Variants in SBF2 observed in about 807,000 individuals in gnomAD.
SBF2 encodes myotubularin-related protein 13.
A neutral mutation model predicts 225.2 loss-of-function variants in SBF2; 112 were observed. The observed-to-expected ratio is 0.50, with a 90% CI of 0.43 to 0.58. The LOEUF is 0.58. SBF2 is among the 20% of genes least tolerant of loss of function. The probability of loss-of-function intolerance (pLI) is 0.00; values close to 1 mark genes in which losing one functional copy is unlikely to be tolerated. For synonymous variants in SBF2, 763 were observed against 773.3 expected (o/e 0.99, Z 0.22); for missense variants, 1,996 against 2,206.2 (o/e 0.90, Z 1.91).
At chr11:10,289,698 C>T (rs528877353) in intron 1 of SBF2, among the ~76,000 whole-genome samples, 1 of 152,246 alleles carries the variant, frequency 6.6e-6, no homozygotes, top group East Asian at 1.9e-4. Context: ...GGCACAGGAA[C>T]CCGGTGCCCT....
At chr11:9,896,379 G>T (rs1385889091) in intron 16 of SBF2, among the ~76,000 whole-genome samples, 1 of 152,080 alleles carries the variant, frequency 6.6e-6, no homozygotes, top group Non-Finnish European at 1.5e-5. Context: ...AGTATATTCA[G>T]CAACTGTATT....
chr11:10,159,649 C>A (rs1037025655), intron 2 of SBF2, among the ~76,000 whole-genome samples: 2 of 152,116 alleles, frequency 1.3e-5, no homozygotes, highest in Admixed American at 6.5e-5. Context: ...ATGCTTGTAA[C>A]CCTAGCACTT....
chr11:10,234,243 C>T (rs559783125), intron 1 of SBF2, among the ~76,000 whole-genome samples: 2 of 152,184 alleles, frequency 1.3e-5, no homozygotes, highest in East Asian at 3.9e-4. Flanking sequence ...GTTTTTACCC[C>T]TCATTTTGAT....
chr11:10,116,891 G>A (rs1274223955), intron 2 of SBF2, among the ~76,000 whole-genome samples: 1 of 152,106 alleles, frequency 6.6e-6, no homozygotes, highest in African/African-American at 2.4e-5. Flanking sequence ...CATGGCATTT[G>A]TCTATTCTTG....
chr11:10,223,987 T>G (rs1958445462), intron 1 of SBF2, among the ~76,000 whole-genome samples: 1 of 152,178 alleles, frequency 6.6e-6, no homozygotes, highest in Admixed American at 6.5e-5. Flanking sequence ...TGTTTACATT[T>G]CTCAACTGAA....
chr11:10,260,151 C>T (rs1474745536), intron 1 of SBF2, among the ~76,000 whole-genome samples: 2 of 152,112 alleles, frequency 1.3e-5, no homozygotes, highest in Non-Finnish European at 2.9e-5. Flanking sequence ...TAAAAGGCCA[C>T]AATAGTTTTT....
chr11:9,956,520 CAG>C (rs1866175459), intron 16 of SBF2: 2 of 150,304 alleles, frequency 1.3e-5, no homozygotes, highest in Admixed American at 6.6e-5. Flanking sequence ...ATTATTGACA[CAG>C]ATCATCTTGT....
intron 22 of SBF2, 96 bp downstream of exon 22, chr11:9,849,927 G>T: frequency 1.7e-6 from 2 of 1,198,038 alleles, no homozygotes; most frequent in Non-Finnish European, 2.5e-6. Context: ...AGCTGACTTT[G>T]GATTTAAAAT....
At chr11:10,265,866 TG>T (rs1450559606) in intron 1 of SBF2, among the ~76,000 whole-genome samples, 3 of 151,396 alleles carry the variant, frequency 2.0e-5, no homozygotes, top group South Asian at 2.1e-4. Context: ...ATTGTGTGTG[TG>T]TGTGTGTGCG....
chr11:9,941,211 A>T (rs181388267), intron 16 of SBF2, among the ~76,000 whole-genome samples: 159 of 152,284 alleles, frequency 1.0e-3, no homozygotes, highest in African/African-American at 3.6e-3. Context: ...GCTACACAGG[A>T]GAGTGAGGTG....
intron 1 of SBF2, among the ~76,000 whole-genome samples, chr11:10,255,643 T>C (rs1252608193): frequency 6.6e-6 from 1 of 152,238 alleles, no homozygotes; most frequent in Non-Finnish European, 1.5e-5. Context: ...TTGACCATAA[T>C]AGTTCCTCTT....
At chr11:10,159,237 T>G (rs755856824) in intron 2 of SBF2, among the ~76,000 whole-genome samples, 1 of 152,202 alleles carries the variant, frequency 6.6e-6, no homozygotes, top group African/African-American at 2.4e-5. Flanking sequence ...ATGTAGTTTA[T>G]AGTTTAAAAA....
chr11:10,257,156 A>G (rs1960931161), intron 1 of SBF2, among the ~76,000 whole-genome samples: 1 of 152,142 alleles, frequency 6.6e-6, no homozygotes, highest in Admixed American at 6.5e-5. Context: ...TGAAATTCAA[A>G]CTCTATCTCT....
At chr11:9,875,524 A>T (rs1023032938) in intron 17 of SBF2, among the ~76,000 whole-genome samples, 1 of 152,244 alleles carries the variant, frequency 6.6e-6, no homozygotes, top group Admixed American at 6.5e-5. Context: ...TCCATAACCG[A>T]ATATGAAAGA....
chr11:9,882,740 G>A (rs1859908847), intron 17 of SBF2, among the ~76,000 whole-genome samples: 1 of 149,816 alleles, frequency 6.7e-6, no homozygotes, highest in Admixed American at 6.7e-5. Context: ...CCAGGAGGGT[G>A]GAGGTTGCAG....
chr11:9,852,864 TAA>T (rs987987903), intron 20 of SBF2, 115 bp from the exon 21 acceptor site: 14 of 811,414 alleles, frequency 1.7e-5, no homozygotes, highest in African/African-American at 1.4e-4. Flanking sequence ...TCAAAAAAGT[TAA>T]AGAGAATTAC....
chr11:10,288,557 T>C (rs1298692370), intron 1 of SBF2, among the ~76,000 whole-genome samples: 19 of 152,050 alleles, frequency 1.2e-4, no homozygotes, highest in Admixed American at 1.2e-3. Flanking sequence ...CTGCAGCTGG[T>C]TGTCCTGCTG....
intron 2 of SBF2, among the ~76,000 whole-genome samples, chr11:10,177,912 T>C (rs1281071260): frequency 6.7e-6 from 1 of 149,864 alleles, no homozygotes; most frequent in African/African-American, 2.5e-5. Flanking sequence ...AGAACAAAGC[T>C]GGAGGCATCA....
intron 1 of SBF2, among the ~76,000 whole-genome samples, chr11:10,196,866 A>ATATATATATATATATTTTTT: frequency 1.0e-5 from 1 of 99,302 alleles, no homozygotes; most frequent in African/African-American, 4.0e-5. Context: ...ATATATATAT[A>ATATATATATATATATTTTTT]TTTTTTTTTT....
Sources: allele counts gnomAD v4.1 joint callset (sites outside exome capture counted in the v4.1 genomes callset), GRCh38; gene constraint gnomAD v4.1.1; transcripts MANE v1.5; gene names NCBI Gene and HGNC (gene_info 2026-07-23, HGNC 2026-07-21).